Variants in NUP98 observed in about 807,000 individuals in gnomAD.
The protein encoded by NUP98 is nuclear pore complex protein Nup98-Nup96.
Under a neutral mutation model 191.9 loss-of-function variants are expected in NUP98, and 26 were observed. That is an observed-to-expected ratio of 0.14 (90% confidence interval 0.10 to 0.19). NUP98 has a LOEUF of 0.19. NUP98 is among the 10% of genes least tolerant of loss of function. NUP98 has a pLI of 1.00. For missense variants in NUP98, 1,941 were observed against 2,178.8 expected (o/e 0.89, Z 2.17); for synonymous variants, 808 against 778.4 (o/e 1.04, Z -0.63).
chr11:3,769,737 G>A (rs565941106), intron 7 of NUP98, among the ~76,000 whole-genome samples: 13 of 150,878 alleles, frequency 8.6e-5, no homozygotes, highest in Admixed American at 4.6e-4. Flanking sequence ...GTGAAACCCC[G>A]TCCCTGCTAA....
chr11:3,705,447 T>C, intron 21 of NUP98, 91 bp from the exon 22 acceptor site: 5 of 1,242,958 alleles, frequency 4.0e-6, no homozygotes, highest in Admixed American at 3.7e-5. Context: ...CCAAAAATAT[T>C]GTTCCTCCTC....
chr11:3,702,725 C>T lies in NUP98; in HGVS notation c.3250G>A (p.Ala1084Thr). The T allele has an allele frequency of 1.2e-6, 2 of 1,614,018 alleles. No homozygotes were observed. The highest frequency in any genetic ancestry group is 1.7e-6 in the Non-Finnish European group (2 of 1,179,928). Residue 1084 changes from alanine to threonine, a missense_variant, in exon 23 of 33, where the codon GCC becomes ACC. Ala to Thr is a moderately conservative substitution (Grantham distance 58). Coordinates refer to ENST00000324932, the MANE Select transcript of NUP98 (RefSeq NM_016320.5). Reference protein sequence around the residue: ...LTSVFTMPSPAPEVPLKTVGT... With the variant: ...LTSVFTMPSPTPEVPLKTVGT... ...ACTGTTTTCAACGGAACCTCAGGGG[C>T]TGGGCTGGGCATTGTGAACACAGAA...
chr11:3,700,706 G>C lies in NUP98; in HGVS notation c.3646C>G (p.Leu1216Val). The C allele has an allele frequency of 6.2e-7, 1 of 1,614,182 alleles. No individual in the cohort carries two copies. Among genetic ancestry groups the C allele is most frequent in the Non-Finnish European group, 8.5e-7 (1 of 1,180,010 alleles). ...LKHSTVHVDELCPLIVPNLGV... is the reference protein window; with the variant it reads ...LKHSTVHVDEVCPLIVPNLGV... ...AGATTGGGGACAATGAGAGGACACA[G>C]TTCATCCACATGGACAGTGCTGTGT... The change falls in exon 24 of 33, where the codon CTG (leucine) becomes GTG (valine). Residue 1216 changes from leucine to valine, a missense_variant. By Grantham distance (32) the Leu-to-Val change is conservative. This residue lies in a region of NUP98 where 1,030 missense variants were observed against 1,115.8 expected (regional missense o/e 0.92). Transcript: ENST00000324932.
At chr11:3,689,097 T>C (rs1226691520) in intron 28 of NUP98, among the ~76,000 whole-genome samples, 2 of 150,756 alleles carry the variant, frequency 1.3e-5, no homozygotes, top group Non-Finnish European at 3.0e-5. Flanking sequence ...CTGAGTATGG[T>C]GGTGCACTCC....
At chr11:3,719,646 G>C in intron 17 of NUP98, 96 bp from the exon 18 acceptor site, 1 of 878,146 alleles carries the variant, frequency 1.1e-6, no homozygotes, top group Non-Finnish European at 1.6e-6. Flanking sequence ...GGAGAAAGCA[G>C]TTTTAAGTAT....
intron 27 of NUP98, among the ~76,000 whole-genome samples, chr11:3,692,137 C>A (rs1452723633): frequency 6.6e-6 from 1 of 151,924 alleles, no homozygotes; most frequent in African/African-American, 2.4e-5. Context: ...GCATATTACC[C>A]GTCTGACATA....
At chr11:3,781,977 A>G in intron 2 of NUP98, 65 bp downstream of exon 2, 1 of 1,034,098 alleles carries the variant, frequency 9.7e-7, no homozygotes, top group Non-Finnish European at 1.5e-6. Flanking sequence ...AGCTTATCAG[A>G]GTGGATTTGT....
intron 14 of NUP98, among the ~76,000 whole-genome samples, chr11:3,726,408 T>A (rs7932699): frequency 0.14 from 20,787 of 151,324 alleles, 1,538 homozygotes; most frequent in Non-Finnish European, 0.17. Context: ...CATAAGTTAG[T>A]TCTTTGAAGT....
At chr11:3,709,159 ATAAT>A (rs1393596511) in intron 20 of NUP98, among the ~76,000 whole-genome samples, 4 of 152,220 alleles carry the variant, frequency 2.6e-5, no homozygotes, top group Non-Finnish European at 4.4e-5. Flanking sequence ...AGATATTTAA[ATAAT>A]TCATACTGTC....
intron 29 of NUP98, 104 bp from the exon 30 acceptor site, chr11:3,683,545 CTT>C (rs35532049): frequency 0.11 from 80,813 of 732,120 alleles, 7 homozygotes; most frequent in East Asian, 0.17. Flanking sequence ...AACTGCAGGT[CTT>C]TTTTTTTTTT....
intron 7 of NUP98, among the ~76,000 whole-genome samples, chr11:3,770,292 A>G (rs1004705005): frequency 6.6e-6 from 1 of 152,044 alleles, no homozygotes; most frequent in Non-Finnish European, 1.5e-5. Context: ...GTTGCACTGC[A>G]CTCCAGCTTG....
intron 1 of NUP98, among the ~76,000 whole-genome samples, chr11:3,789,648 T>C (rs1218345729): frequency 6.6e-6 from 1 of 152,064 alleles, no homozygotes; most frequent in Admixed American, 6.6e-5. Flanking sequence ...CCCAAAAAGC[T>C]GAGACCACAG....
At chr11:3,721,602 G>A (rs2079403444) in intron 16 of NUP98, among the ~76,000 whole-genome samples, 2 of 152,050 alleles carry the variant, frequency 1.3e-5, no homozygotes, top group Admixed American at 6.6e-5. Context: ...GGGAGGTTGA[G>A]GAAGGAGAAT....
intron 1 of NUP98, among the ~76,000 whole-genome samples, chr11:3,787,018 A>AT (rs1354720983): frequency 1.3e-5 from 2 of 152,190 alleles, no homozygotes; most frequent in East Asian, 1.9e-4. Context: ...TTTACAAAGC[A>AT]TTTTTTCATA....
chr11:3,757,442 AC>A (rs2134476087), intron 10 of NUP98, among the ~76,000 whole-genome samples: 1 of 148,672 alleles, frequency 6.7e-6, no homozygotes, highest in Non-Finnish European at 1.5e-5. Context: ...AGCTGAGATC[AC>A]ACCACTACAC....
At chr11:3,719,085 G>A (rs1338678088) in intron 18 of NUP98, among the ~76,000 whole-genome samples, 4 of 150,404 alleles carry the variant, frequency 2.7e-5, no homozygotes, top group Non-Finnish European at 4.4e-5. Context: ...ATTCCACTGC[G>A]CTCCAGCCTG....
intron 31 of NUP98, among the ~76,000 whole-genome samples, chr11:3,677,399 A>G (rs1238604905): frequency 2.1e-5 from 3 of 145,058 alleles, no homozygotes; most frequent in African/African-American, 7.5e-5. Flanking sequence ...GAGAGTTTTT[A>G]TGTAACATAG....
At chr11:3,771,440 G>A (rs1010509972) in intron 7 of NUP98, among the ~76,000 whole-genome samples, 5 of 152,128 alleles carry the variant, frequency 3.3e-5, no homozygotes, top group African/African-American at 1.2e-4. Context: ...AAAACTCAGA[G>A]TTTTTAGACT....
Position 3,702,890 on chromosome 11 carries a change from C to G in NUP98, c.3085G>C (p.Gly1029Arg). Residue 1029 changes from glycine to arginine, a missense_variant and splice_region_variant, in exon 23 of 33, where the codon GGT (glycine) becomes CGT (arginine). Transcript: ENST00000324932. ...SHSSKTRSLV[G>R]GLLQSKFTSG... ...GTAAATTTTGATTGTAGTAACCCAC[C>G]AACTGAAATGAAGCGGGAATGAAGG... The G allele has an allele frequency of 6.2e-7, 1 of 1,601,948 alleles. No individual in the cohort carries two copies. The highest frequency in any genetic ancestry group is 8.5e-7 in the Non-Finnish European group (1 of 1,172,198).
Sources: allele counts gnomAD v4.1 joint callset (sites outside exome capture counted in the v4.1 genomes callset), GRCh38; gene constraint gnomAD v4.1.1; regional missense constraint gnomAD v4.1.1; transcripts MANE v1.5; gene names NCBI Gene and HGNC (gene_info 2026-07-23, HGNC 2026-07-21).